The following GPHN variants were observed in gnomAD, a reference collection of about 807,000 sequenced individuals.
GPHN encodes the protein gephyrin.
GPHN carries 17 observed loss-of-function variants against 95.5 expected under a neutral mutation model. That is an observed-to-expected ratio of 0.18 (90% confidence interval 0.12 to 0.27). The LOEUF (loss-of-function observed/expected upper bound fraction) is 0.27, where lower values mean the gene tolerates loss of function less well. Ranked by LOEUF, GPHN falls within the 10% of genes least tolerant of loss-of-function variation. GPHN has a pLI of 1.00. For missense variants in GPHN, 660 were observed against 978.1 expected (o/e 0.67, Z 4.34); for synonymous variants, 320 against 322.5 (o/e 0.99, Z 0.08).
the GPHN span, chr14:67,203,006 C>G: frequency 3.0e-6 from 4 of 1,354,512 alleles, no homozygotes; most frequent in East Asian, 9.3e-5. Flanking sequence ...CCTTTATTTC[C>G]TACCCTCTCT....
the GPHN span, among the ~76,000 whole-genome samples, chr14:67,629,593 G>A: frequency 6.6e-6 from 1 of 152,098 alleles, no homozygotes; most frequent in South Asian, 2.1e-4. Context: ...GATGAGTTCT[G>A]GAGATGGATG....
intron 17 of GPHN, among the ~76,000 whole-genome samples, chr14:67,141,322 T>TTTAA (rs1229197181): frequency 1.3e-5 from 2 of 152,210 alleles, no homozygotes; most frequent in East Asian, 3.9e-4. Flanking sequence ...TGTGAATGTA[T>TTTAA]TTAAGTCCCA....
the GPHN span, among the ~76,000 whole-genome samples, chr14:67,711,442 A>T: frequency 6.6e-6 from 1 of 152,208 alleles, no homozygotes; most frequent in Admixed American, 6.5e-5. Flanking sequence ...TAAATATTTT[A>T]CTTAAGTTAC....
the GPHN span, among the ~76,000 whole-genome samples, chr14:67,277,362 G>A: frequency 6.6e-6 from 1 of 152,146 alleles, no homozygotes; most frequent in African/African-American, 2.4e-5. Flanking sequence ...TTTCCTGATT[G>A]TTGGACTAGT....
At chr14:67,051,795 G>T (rs1439912155) in intron 10 of GPHN, among the ~76,000 whole-genome samples, 1 of 152,150 alleles carries the variant, frequency 6.6e-6, no homozygotes, top group Non-Finnish European at 1.5e-5. Context: ...AAGAGATTGG[G>T]GGCCAATATT....
chr14:67,347,307 GA>G, the GPHN span: 1 of 907,724 alleles, frequency 1.1e-6, no homozygotes, highest in African/African-American at 1.7e-5. Flanking sequence ...TCTAACTCAG[GA>G]ACCTCTCAAC....
chr14:66,624,274 TAAG>T (rs771618566), intron 1 of GPHN, among the ~76,000 whole-genome samples: 6 of 152,230 alleles, frequency 3.9e-5, no homozygotes, highest in African/African-American at 4.8e-5. Context: ...TCCTCTGTAA[TAAG>T]AAGAACTAAA....
the GPHN span, chr14:67,340,101 C>T: frequency 4.2e-4 from 84 of 200,226 alleles, 1 homozygote; most frequent in African/African-American, 1.8e-3. Flanking sequence ...CTCTCTATTA[C>T]GCACAATCAG....
the GPHN span, chr14:67,586,297 A>G: frequency 8.7e-7 from 1 of 1,143,842 alleles, no homozygotes; most frequent in Non-Finnish European, 1.3e-6. Flanking sequence ...GTAAAGGGAC[A>G]TATTTGGAGG....
intron 4 of GPHN, among the ~76,000 whole-genome samples, chr14:66,840,953 G>A (rs1206225631): frequency 1.4e-5 from 2 of 147,630 alleles, no homozygotes; most frequent in African/African-American, 5.1e-5. Flanking sequence ...ACTCAAATAT[G>A]TACTTAAAGC....
chr14:67,011,747 A>C (rs753847812), intron 9 of GPHN, among the ~76,000 whole-genome samples: 9 of 151,986 alleles, frequency 5.9e-5, no homozygotes, highest in Non-Finnish European at 1.3e-4. Flanking sequence ...TTATAGTATA[A>C]CTTTAATGAT....
At chr14:66,532,849 A>G (rs1015360533) in intron 1 of GPHN, among the ~76,000 whole-genome samples, 1 of 152,196 alleles carries the variant, frequency 6.6e-6, no homozygotes, top group African/African-American at 2.4e-5. Context: ...ACACTTCCCT[A>G]ATTATTTACA....
the GPHN span, among the ~76,000 whole-genome samples, chr14:67,552,146 T>C: frequency 6.6e-6 from 1 of 152,328 alleles, no homozygotes; most frequent in Admixed American, 6.5e-5. Flanking sequence ...ATGTGTCTTA[T>C]GTGCAGCTGG....
chr14:67,639,217 T>A, the GPHN span, among the ~76,000 whole-genome samples: 1 of 152,218 alleles, frequency 6.6e-6, no homozygotes, highest in Non-Finnish European at 1.5e-5. Context: ...TGAGTACTGT[T>A]TTCTGTCACG....
At chr14:66,872,722 C>G (rs981505057) in intron 4 of GPHN, among the ~76,000 whole-genome samples, 1 of 151,914 alleles carries the variant, frequency 6.6e-6, no homozygotes, top group Admixed American at 6.6e-5. Context: ...ATGGTGAAAC[C>G]CCATCTCTAC....
the GPHN span, among the ~76,000 whole-genome samples, chr14:67,697,538 T>C: frequency 6.6e-6 from 1 of 152,084 alleles, no homozygotes; most frequent in African/African-American, 2.4e-5. Flanking sequence ...CAATGATTTA[T>C]ATATATATAT....
In GPHN at chr14:66,811,873, T is replaced by C. The variant is rs184705452; in HGVS notation, c.202-12601T>C. Among the ~76,000 whole-genome samples the C allele has an allele frequency of 5.3e-5, 8 of 152,326 alleles. No individual in the cohort carries two copies. The East Asian group carries it at 1.5e-3, about 29-fold the overall frequency. On this transcript the variant is annotated intron_variant, in intron 3 of 22. Transcript: ENST00000478722. ...CTCCTATCTGTATCACAAGTAACTA[T>C]TATAAACTCTAAACCAAACAAAGAA...
At chr14:66,699,123 G>A (rs2068324007) in intron 2 of GPHN, among the ~76,000 whole-genome samples, 1 of 152,166 alleles carries the variant, frequency 6.6e-6, no homozygotes, top group Admixed American at 6.5e-5. Flanking sequence ...CAGCAGTGTA[G>A]CATGATAACT....
intron 5 of GPHN, among the ~76,000 whole-genome samples, chr14:66,905,513 G>A (rs542569867): frequency 6.6e-5 from 10 of 152,160 alleles, no homozygotes; most frequent in Admixed American, 3.3e-4. Context: ...CTTTGCATTG[G>A]AGGATTAGTT....
Sources: allele counts gnomAD v4.1 joint callset (sites outside exome capture counted in the v4.1 genomes callset), GRCh38; gene constraint gnomAD v4.1.1; transcripts MANE v1.5; gene names NCBI Gene and HGNC (gene_info 2026-07-23, HGNC 2026-07-21).